The following TCF7L1 variants were observed in gnomAD, a reference collection of about 807,000 sequenced individuals.
TCF7L1 encodes transcription factor 7 like 1, also known as transcription factor 7-like 1.
In TCF7L1, 18 loss-of-function variants were observed where a neutral mutation model predicts 63.7. That is an observed-to-expected ratio of 0.28 (90% CI 0.20 to 0.42). TCF7L1 has a LOEUF of 0.42. TCF7L1 is among the 10% of genes least tolerant of loss of function. The probability of loss-of-function intolerance (pLI) is 1.00; values close to 1 mark genes in which losing one functional copy is unlikely to be tolerated. For synonymous variants in TCF7L1, 355 were observed against 340.9 expected (o/e 1.04, Z -0.46); for missense variants, 654 against 779.3 (o/e 0.84, Z 1.91).
chr2:85,215,774 G>C (rs576419571), intron 3 of TCF7L1, among the ~76,000 whole-genome samples: 44 of 134,682 alleles, frequency 3.3e-4, no homozygotes, highest in African/African-American at 1.0e-3. Flanking sequence ...GGGTGGGGGG[G>C]GGTGAGGGGG....
intron 3 of TCF7L1, among the ~76,000 whole-genome samples, chr2:85,204,583 G>A (rs1679352422): frequency 6.6e-6 from 1 of 151,310 alleles, no homozygotes; most frequent in South Asian, 2.1e-4. Context: ...GTCTTACTAT[G>A]TTGCCCAGGC....
chr2:85,239,385 T>C (rs1259973162), intron 3 of TCF7L1, among the ~76,000 whole-genome samples: 2 of 152,128 alleles, frequency 1.3e-5, no homozygotes, highest in Non-Finnish European at 2.9e-5. Context: ...CTCCCCCTCA[T>C]GCTGGGCACA....
rs1202963299 is a variant in TCF7L1, at chr2:85,133,625, C to G, written c.-60C>G. 7.3e-6 allele frequency: 5 copies of G among 680,390 alleles called. No individual in the cohort carries two copies. The highest frequency in any genetic ancestry group is 9.0e-6 in the Non-Finnish European group (5 of 553,328). 42.1% of individuals were successfully genotyped at this position (680,390 alleles called of 1,614,324 possible). A position where few individuals can be genotyped will look rare whatever the true frequency, so the allele number is the denominator to read the frequency against. ...GGGCGGGAGGGGCGCCGGGCCGGGCCGGGCAGGGCGCGGGCGGCTAGGGGC... is the reference window on the plus strand; with the variant it reads ...GGGCGGGAGGGGCGCCGGGCCGGGCGGGGCAGGGCGCGGGCGGCTAGGGGC... On this transcript the variant is annotated 5_prime_UTR_variant, in exon 1 of 12. Transcript: ENST00000282111. The surrounding 1 kb of genome is among the most constrained non-coding windows in gnomAD (Gnocchi z 4.4).
rs986676986 is a variant in TCF7L1 at position 85,206,225 on chromosome 2, G to A, written c.441+71775G>A. Among the ~76,000 whole-genome samples the A allele has an allele frequency of 3.3e-5, 5 of 152,218 alleles. No individual in the cohort carries two copies. In the East Asian group the frequency reaches 5.8e-4, roughly 18 times the overall value. On this transcript the variant is annotated intron_variant, in intron 3 of 11. Transcript: ENST00000282111. ...GAGTCCACCTTGGTGGGAAGTCAGTGGCAATTCTTCCACCCACACACCACT... is the reference window on the plus strand; with the variant it reads ...GAGTCCACCTTGGTGGGAAGTCAGTAGCAATTCTTCCACCCACACACCACT...
chr2:85,150,321 C>T (rs1028577750), intron 3 of TCF7L1, among the ~76,000 whole-genome samples: 4 of 151,984 alleles, frequency 2.6e-5, no homozygotes, highest in African/African-American at 9.7e-5. Flanking sequence ...GCAACCTCCA[C>T]CTCCCGGGTT....
intron 3 of TCF7L1, among the ~76,000 whole-genome samples, chr2:85,267,188 A>T (rs1403160783): frequency 6.6e-6 from 1 of 151,602 alleles, no homozygotes; most frequent in Non-Finnish European, 1.5e-5. Flanking sequence ...AAAAATACAA[A>T]AATTAGCTGG....
At chr2:85,187,243 C>T (rs1197362878) in intron 3 of TCF7L1, 1 of 152,150 alleles carries the variant, frequency 6.6e-6, no homozygotes, top group Admixed American at 6.5e-5. Context: ...CCCCAAGATT[C>T]AAAGCTCTCA....
chr2:85,236,402 G>A (rs1286472838), intron 3 of TCF7L1, among the ~76,000 whole-genome samples: 6 of 152,118 alleles, frequency 3.9e-5, no homozygotes, highest in Non-Finnish European at 7.4e-5. Context: ...TACTTCCCCC[G>A]TTTGTCTGCA....
At chr2:85,239,068 G>T (rs1680263526) in intron 3 of TCF7L1, among the ~76,000 whole-genome samples, 1 of 151,968 alleles carries the variant, frequency 6.6e-6, no homozygotes, top group South Asian at 2.1e-4. Flanking sequence ...GGGTCCAGGG[G>T]TATGACTAAA....
In TCF7L1 at chr2:85,305,267, T is replaced by G; in HGVS notation, c.853T>G (p.Ser285Ala). Reference sequence around the variant, plus strand: ...TTTCTATCCGGTGCACAGCCTGGTCTCCAGTCGGTTCTCTCCTCACATGGT... The same window carrying G: ...TTTCTATCCGGTGCACAGCCTGGTCGCCAGTCGGTTCTCTCCTCACATGGT... Reference protein sequence around the residue: ...AMNASMSSLVSSRFSPHMVAP... With the variant: ...AMNASMSSLVASRFSPHMVAP... Residue 285 changes from serine (S) to alanine (A), a missense_variant, in exon 8 of 12, where the codon TCC (serine) becomes GCC (alanine). Around this residue, in one of 3 missense-constraint regions of TCF7L1, gnomAD observed 404 missense variants for 454.8 expected, o/e 0.89. Transcript: ENST00000282111. 1 of 1,614,068 alleles carries G rather than the reference T, an allele frequency of 6.2e-7. No individual in the cohort carries two copies.
At chr2:85,173,132 A>G (rs960076565) in intron 3 of TCF7L1, among the ~76,000 whole-genome samples, 8 of 152,378 alleles carry the variant, frequency 5.3e-5, no homozygotes, top group African/African-American at 1.9e-4. Context: ...AACTTGCCAA[A>G]TAAATATTCC....
intron 3 of TCF7L1, among the ~76,000 whole-genome samples, chr2:85,270,711 A>C (rs1319349477): frequency 2.6e-5 from 4 of 152,060 alleles, no homozygotes; most frequent in Non-Finnish European, 5.9e-5. Flanking sequence ...TTATTTAGAG[A>C]CAGAGTCTCA....
chr2:85,237,234 T>C (rs1342066569), intron 3 of TCF7L1, among the ~76,000 whole-genome samples: 2 of 152,188 alleles, frequency 1.3e-5, no homozygotes, highest in African/African-American at 4.8e-5. Context: ...TGTTGTGTTT[T>C]TTAAAATTTC....
At chr2:85,278,610 T>G (rs1475298869) in intron 3 of TCF7L1, among the ~76,000 whole-genome samples, 5 of 152,182 alleles carry the variant, frequency 3.3e-5, no homozygotes, top group African/African-American at 1.2e-4. Flanking sequence ...CAACAACTGC[T>G]CCAATGAAAA....
intron 3 of TCF7L1, among the ~76,000 whole-genome samples, chr2:85,152,826 T>C (rs1678051421): frequency 6.6e-6 from 1 of 152,178 alleles, no homozygotes; most frequent in Non-Finnish European, 1.5e-5. Context: ...TGATAATTGC[T>C]TTCTACATAA....
rs1254807054 is a variant in TCF7L1 at position 85,134,111 on chromosome 2, C to T, written c.313+32C>T. On this transcript the variant is annotated intron_variant, in intron 2 of 11. Transcript: ENST00000282111. This position sits in a 1 kb window ranked among gnomAD's most constrained non-coding sequence, Gnocchi z 5.0. ...GCCCGCTGGGACAGCCCCCCACTCT[C>T]GATTCCCGCTGCGCTCCGCTGCTCA... 1.2e-6 allele frequency: 2 copies of T among 1,604,262 alleles called. No individual in the cohort carries two copies. The highest frequency in any genetic ancestry group is 1.7e-5 in the Admixed American group (1 of 59,520).
At chr2:85,238,379 C>T (rs946571511) in intron 3 of TCF7L1, among the ~76,000 whole-genome samples, 5 of 152,182 alleles carry the variant, frequency 3.3e-5, no homozygotes, top group Non-Finnish European at 4.4e-5. Flanking sequence ...CAAACAGAGA[C>T]ACGGAGCCTT....
Position 85,238,964 on chromosome 2 carries a change from C to T in TCF7L1, c.442-44531C>T, listed in dbSNP as rs1038467553. Among the ~76,000 whole-genome samples the T allele has an allele frequency of 2.6e-5, 4 of 151,910 alleles. No homozygotes were observed. In the East Asian group the frequency reaches 7.7e-4, roughly 29 times the overall value. On this transcript the variant is annotated intron_variant, in intron 3 of 11. Coordinates refer to ENST00000282111, the MANE Select transcript of TCF7L1 (RefSeq NM_031283.3). ...CCTTCCAAGTAGCTGGGACTACAGG[C>T]GTGATCCACCACCACACCGACTAAT... is the stretch of plus-strand genomic sequence containing the variant.
chr2:85,220,491 G>A (rs552150685), intron 3 of TCF7L1, among the ~76,000 whole-genome samples: 13 of 152,112 alleles, frequency 8.5e-5, no homozygotes, highest in African/African-American at 2.7e-4. Flanking sequence ...TCAGCCTTCC[G>A]AGCAGCTTGG....
Sources: gnomAD v4.1 joint callset for allele counts (sites outside exome capture counted in the v4.1 genomes callset) on GRCh38, gnomAD v4.1.1 for gene constraint, gnomAD v4.1.1 regional missense constraint, Gnocchi (gnomAD v3.1) non-coding constraint, MANE v1.5 for transcripts, NCBI Gene and HGNC (gene_info 2026-07-23, HGNC 2026-07-21) for gene names.